The following CACNA1C variants were observed in gnomAD, a reference collection of about 807,000 sequenced individuals.
CACNA1C encodes the protein calcium voltage-gated channel subunit alpha1 C, also known as voltage-dependent L-type calcium channel subunit alpha-1C.
Under a neutral mutation model 229.0 loss-of-function variants are expected in CACNA1C, and 30 were observed. That is an observed-to-expected ratio of 0.13 (90% CI 0.10 to 0.18). CACNA1C has a LOEUF of 0.18. Among genes scored for constraint, CACNA1C ranks in the 10% least tolerant of loss-of-function variants. The probability of loss-of-function intolerance (pLI) is 1.00; values close to 1 mark genes in which losing one functional copy is unlikely to be tolerated. For synonymous variants in CACNA1C, 1,114 were observed against 1,132.5 expected, an observed-to-expected ratio of 0.98 and a Z score of 0.33; for missense variants, 1,658 against 2,845.0, an observed-to-expected ratio of 0.58 and a Z score of 9.49.
chr12:2,453,781 C>T (rs1303751125), intron 4 of CACNA1C, among the ~76,000 whole-genome samples: 2 of 152,318 alleles, frequency 1.3e-5, no homozygotes, highest in East Asian at 3.9e-4. Context: ...TCTTTGCAAG[C>T]CATGCAGTCT....
chr12:2,084,226 T>C (rs186430517), intron 1 of CACNA1C, among the ~76,000 whole-genome samples: 1 of 152,294 alleles, frequency 6.6e-6, no homozygotes, highest in East Asian at 1.9e-4. Context: ...GTCTTTAGCA[T>C]TCTCAACAAG....
At chr12:2,013,519 A>G (rs1258176898) in intron 1 of CACNA1C, among the ~76,000 whole-genome samples, 2 of 152,240 alleles carry the variant, frequency 1.3e-5, no homozygotes, top group African/African-American at 4.8e-5. Flanking sequence ...ACAAATTGCC[A>G]TTGCCAGGCC....
chr12:2,246,566 A>C (rs1461716200), intron 3 of CACNA1C, among the ~76,000 whole-genome samples: 2 of 152,104 alleles, frequency 1.3e-5, no homozygotes, highest in Non-Finnish European at 2.9e-5. Context: ...TGTGCAATTC[A>C]TACCGTTGTT....
At chr12:2,147,447 A>G (rs760564445) in intron 3 of CACNA1C, among the ~76,000 whole-genome samples, 3 of 151,214 alleles carry the variant, frequency 2.0e-5, no homozygotes, top group Non-Finnish European at 4.4e-5. Context: ...GGCAAAGCAG[A>G]CCTCTAGCTT....
intron 1 of CACNA1C, among the ~76,000 whole-genome samples, chr12:2,046,208 C>T (rs1028307758): frequency 1.2e-4 from 19 of 152,124 alleles, no homozygotes; most frequent in African/African-American, 4.1e-4. Flanking sequence ...CATGTGGGAA[C>T]GGCTCGCACT....
At chr12:2,196,746 C>G (rs908431891) in intron 3 of CACNA1C, among the ~76,000 whole-genome samples, 1 of 152,188 alleles carries the variant, frequency 6.6e-6, no homozygotes, top group Admixed American at 6.5e-5. Flanking sequence ...CTGTGAGGGC[C>G]ATGAGGAGCA....
intron 1 of CACNA1C, among the ~76,000 whole-genome samples, chr12:2,085,189 G>A (rs1264553083): frequency 1.3e-5 from 2 of 152,140 alleles, no homozygotes; most frequent in East Asian, 3.9e-4. Flanking sequence ...TGCATCTCTG[G>A]ATCAGCCAAC....
intron 3 of CACNA1C, among the ~76,000 whole-genome samples, chr12:2,342,902 G>A (rs1009434045): frequency 1.3e-5 from 2 of 152,200 alleles, no homozygotes; most frequent in South Asian, 4.1e-4. Context: ...GTGAATCTTT[G>A]TGATAACAAG....
At chr12:2,462,871 C>T (rs1033368079) in intron 5 of CACNA1C, among the ~76,000 whole-genome samples, 1 of 150,766 alleles carries the variant, frequency 6.6e-6, no homozygotes, top group African/African-American at 2.4e-5. Context: ...TTGACATCTG[C>T]AATTCTAGAC....
In CACNA1C at chr12:2,215,895, C is replaced by T. The variant is rs1222955317; in HGVS notation, c.477+95465C>T. Among the ~76,000 whole-genome samples the T allele has an allele frequency of 3.3e-5, 5 of 152,164 alleles. No homozygotes were observed. Among genetic ancestry groups the T allele is most frequent in the Non-Finnish European group, 5.9e-5 (4 of 68,026 alleles). On this transcript the variant is annotated intron_variant, in intron 3 of 46. Coordinates refer to ENST00000399655, the MANE Select transcript of CACNA1C (RefSeq NM_000719.7). The surrounding 1 kb of genome is among the most constrained non-coding windows in gnomAD (Gnocchi z 5.0). ...CTGCTGCCACCAGTGTGACATCAGCCGTGGTTGTGAAATTTCTGACAAAGA... is the reference window on the plus strand; with the variant it reads ...CTGCTGCCACCAGTGTGACATCAGCTGTGGTTGTGAAATTTCTGACAAAGA...
rs375489303 is a variant in CACNA1C at position 2,077,504 on chromosome 12, C to G, written c.49+23893C>G. 5.2e-4 allele frequency among the ~76,000 whole-genome samples: 79 copies of G among 152,082 alleles called. 1 individual carries two copies. The highest frequency in any genetic ancestry group is 1.9e-3 in the African/African-American group (77 of 41,482). ...ATTGAGTATCTAGTGTATGCCAGGCCTTATGTCAGGAACTTTATGTGACTT... is the reference window on the plus strand; with the variant it reads ...ATTGAGTATCTAGTGTATGCCAGGCGTTATGTCAGGAACTTTATGTGACTT... On this transcript the variant is annotated intron_variant, in intron 1 of 46. Coordinates refer to ENST00000399655, the MANE Select transcript of CACNA1C (RefSeq NM_000719.7).
intron 3 of CACNA1C, among the ~76,000 whole-genome samples, chr12:2,435,400 A>G (rs1452579030): frequency 6.6e-6 from 1 of 152,230 alleles, no homozygotes. Context: ...CCCCAAAGGC[A>G]GGGGAAGCAT....
At chr12:2,290,159 G>A (rs189843442) in intron 3 of CACNA1C, among the ~76,000 whole-genome samples, 10 of 152,310 alleles carry the variant, frequency 6.6e-5, no homozygotes, top group African/African-American at 2.2e-4. Context: ...TAATTGGCCC[G>A]GCAGAGCTGG....
chr12:2,211,437 G>T (rs930246158), intron 3 of CACNA1C, among the ~76,000 whole-genome samples: 5 of 152,192 alleles, frequency 3.3e-5, no homozygotes, highest in African/African-American at 1.2e-4. Flanking sequence ...TTCTCTAGAG[G>T]CAATGCCAAA....
At chr12:2,565,452 C>T (rs1037169937) in intron 11 of CACNA1C, among the ~76,000 whole-genome samples, 6 of 134,448 alleles carry the variant, frequency 4.5e-5, no homozygotes, top group Admixed American at 8.3e-5. Context: ...CCGGCCTGGG[C>T]GACAGAGCGA....
chr12:2,419,569 G>A (rs2098953021), intron 3 of CACNA1C, among the ~76,000 whole-genome samples: 1 of 152,134 alleles, frequency 6.6e-6, no homozygotes, highest in African/African-American at 2.4e-5. Flanking sequence ...TGAATCATGT[G>A]TCACATCAAA....
chr12:2,267,355 A>C (rs2082777063), intron 3 of CACNA1C, among the ~76,000 whole-genome samples: 5 of 152,104 alleles, frequency 3.3e-5, no homozygotes, highest in Admixed American at 3.3e-4. Context: ...AGGTCAGGAG[A>C]GGTTAAGTGC....
intron 1 of CACNA1C, chr12:2,004,552 C>T (rs1383099948): frequency 3.6e-6 from 5 of 1,404,418 alleles, no homozygotes; most frequent in Non-Finnish European, 4.7e-6. Context: ...GGAGGCCTTC[C>T]GGCTCCAGTC....
intron 3 of CACNA1C, among the ~76,000 whole-genome samples, chr12:2,214,017 G>A (rs1036190657): frequency 6.6e-6 from 1 of 152,220 alleles, no homozygotes; most frequent in Non-Finnish European, 1.5e-5. Flanking sequence ...GCTCACATTG[G>A]GGAGGGAAGA....
Sources: allele counts gnomAD v4.1 joint callset (sites outside exome capture counted in the v4.1 genomes callset), GRCh38; gene constraint gnomAD v4.1.1; non-coding constraint Gnocchi (gnomAD v3.1); transcripts MANE v1.5; gene names NCBI Gene and HGNC (gene_info 2026-07-23, HGNC 2026-07-21).